SYTL5: variants seen among roughly 807,000 people sequenced by gnomAD.
The protein encoded by SYTL5 is synaptotagmin like 5, also known as synaptotagmin-like protein 5.
Under a neutral mutation model 55.9 loss-of-function variants are expected in SYTL5, and 34 were observed. The ratio of observed to expected loss-of-function variants is 0.61; its 90% confidence interval spans 0.46 to 0.81. SYTL5 has a LOEUF of 0.81. Among genes scored for constraint, SYTL5 ranks in the 30% least tolerant of loss-of-function variants. The probability of loss-of-function intolerance (pLI) is 0.00; values close to 1 mark genes in which losing one functional copy is unlikely to be tolerated. For synonymous variants in SYTL5, 221 were observed against 188.7 expected (o/e 1.17, Z -1.40); for missense variants, 637 against 546.7 (o/e 1.17, Z -1.65).
At chrX:37,910,849 T>C in the SYTL5 span, among the ~76,000 whole-genome samples, 2 of 112,077 alleles carry the variant, frequency 1.8e-5, no homozygotes, top group African/African-American at 6.5e-5. Context: ...GGTGTAGGGA[T>C]GATACATTGC....
rs186102933 is a variant in SYTL5, at chrX:38,066,175, A to C, written c.330-5872A>C. ...TCCTTATGAATAATAGAAAGGAACT[A>C]ATATCTTATCTCAGAGTATCTAATA... On this transcript the variant is annotated intron_variant, in intron 3 of 16. Coordinates refer to ENST00000297875, the MANE Select transcript of SYTL5 (RefSeq NM_138780.3). 2.8e-3 allele frequency among the ~76,000 whole-genome samples: 315 copies of C among 112,230 alleles called. 1 individual carries two copies. The highest frequency in any genetic ancestry group is 9.8e-3 in the African/African-American group (303 of 30,927).
Position 38,110,304 on chromosome X carries a change from G to A in SYTL5, c.1435-17G>A. 8.5e-7 allele frequency: 1 copy of A among 1,176,681 alleles called. No individual in the cohort carries two copies. The highest frequency in any genetic ancestry group is 1.1e-6 in the Non-Finnish European group (1 of 875,848). ...AGCCCTCCTTGTGGAGTGTAATGTT[G>A]TAAATCTCATTCGCAGTACACTATC... On this transcript the variant is annotated splice_polypyrimidine_tract_variant and intron_variant, in intron 12 of 16. Transcript: ENST00000297875.
the SYTL5 span, chrX:37,946,485 T>G: frequency 4.1e-6 from 1 of 242,053 alleles, no homozygotes; most frequent in Non-Finnish European, 7.9e-6. Flanking sequence ...TGGAACTGGA[T>G]TTTTCATTGG....
At chrX:37,975,333 G>A in the SYTL5 span, among the ~76,000 whole-genome samples, 1 of 112,181 alleles carries the variant, frequency 8.9e-6, no homozygotes, top group Non-Finnish European at 1.9e-5. Context: ...AAAGATTTTA[G>A]TTGAGAGGTA....
the SYTL5 span, among the ~76,000 whole-genome samples, chrX:37,898,949 C>G: frequency 9.0e-6 from 1 of 111,571 alleles, no homozygotes; most frequent in African/African-American, 3.3e-5. Flanking sequence ...CTTTCAGGAC[C>G]CAGCACTTAG....
At chrX:37,965,285 T>C in the SYTL5 span, among the ~76,000 whole-genome samples, 217 of 111,779 alleles carry the variant, frequency 1.9e-3, 2 homozygotes, top group African/African-American at 6.3e-3. Context: ...TGTCTCAAGA[T>C]TTTTATTTTA....
chrX:37,931,647 T>C, the SYTL5 span, among the ~76,000 whole-genome samples: 1 of 111,922 alleles, frequency 8.9e-6, no homozygotes, highest in African/African-American at 3.2e-5. Flanking sequence ...TCCAGAACAC[T>C]TATAAAGGAG....
chrX:37,920,252 A>T, the SYTL5 span, among the ~76,000 whole-genome samples: 3 of 111,544 alleles, frequency 2.7e-5, no homozygotes, highest in Non-Finnish European at 5.7e-5. Context: ...TTCCTGAAGT[A>T]GTTTACCTTG....
the SYTL5 span, among the ~76,000 whole-genome samples, chrX:37,903,748 T>C: frequency 9.0e-6 from 1 of 111,572 alleles, no homozygotes. Flanking sequence ...ACTCATCTTG[T>C]ATATATTTCT....
the SYTL5 span, among the ~76,000 whole-genome samples, chrX:37,889,826 G>C: frequency 9.1e-6 from 1 of 110,046 alleles, no homozygotes; most frequent in African/African-American, 3.3e-5. Context: ...AAGTCTTACA[G>C]GACTGGAGTT....
chrX:38,108,674 A>G lies in SYTL5; in HGVS notation c.1409A>G (p.Asn470Ser), dbSNP rs770078461. The G allele has an allele frequency of 1.2e-5, 14 of 1,196,787 alleles. No individual in the cohort carries two copies. The highest frequency in any genetic ancestry group is 3.0e-5 in the East Asian group (1 of 33,140). ...AAGACCAAAATCAGAACAGGCACCAATCCAGAATTCAATGAAACACTAAAG... is the reference window on the plus strand; with the variant it reads ...AAGACCAAAATCAGAACAGGCACCAGTCCAGAATTCAATGAAACACTAAAG... ...KRKTKIRTGT[N>S]PEFNETLKYT... Residue 470 changes from asparagine to serine, a missense_variant, in exon 12 of 17, where the codon AAT becomes AGT. Coordinates refer to ENST00000297875, the MANE Select transcript of SYTL5 (RefSeq NM_138780.3).
Position 38,126,641 on chromosome X carries a change from C to A in SYTL5, c.2104C>A (p.Arg702Ser). The A allele has an allele frequency of 8.3e-7, 1 of 1,210,267 alleles. No homozygotes were observed. Residue 702 changes from arginine (R) to serine (S), a missense_variant, in exon 17 of 17, where the codon CGC (arginine) becomes AGC (serine). Transcript: ENST00000297875. Reference protein sequence around the residue: ...DWMDSQGEEQRLWQKMANNPG... With the variant: ...DWMDSQGEEQSLWQKMANNPG... ...GATGGACTCTCAGGGGGAAGAGCAG[C>A]GCCTTTGGCAGAAGATGGCCAACAA...
At chrX:37,959,217 A>G in the SYTL5 span, among the ~76,000 whole-genome samples, 1 of 111,597 alleles carries the variant, frequency 9.0e-6, no homozygotes, top group African/African-American at 3.3e-5. Context: ...AGCTATGGGG[A>G]TCTGCCCGCA....
At chrX:38,060,635 G>A (rs1164785272) in intron 3 of SYTL5, among the ~76,000 whole-genome samples, 3 of 111,933 alleles carry the variant, frequency 2.7e-5, no homozygotes, top group Non-Finnish European at 5.7e-5. Context: ...TAAGCAAGTG[G>A]AACAAATGTA....
chrX:38,043,702 T>TACAC (rs1555924894), intron 2 of SYTL5, among the ~76,000 whole-genome samples: 2 of 89,712 alleles, frequency 2.2e-5, no homozygotes, highest in Non-Finnish European at 4.4e-5. Flanking sequence ...CATATATATA[T>TACAC]ACATATTTTC....
chrX:38,109,208 G>A (rs1937296993), intron 12 of SYTL5, among the ~76,000 whole-genome samples: 1 of 112,283 alleles, frequency 8.9e-6, no homozygotes, highest in African/African-American at 3.2e-5. Flanking sequence ...AGCAAAAGTA[G>A]CCTAGATAAA....
At chrX:38,084,674 ATACT>A (rs1220013872) in intron 6 of SYTL5, among the ~76,000 whole-genome samples, 3 of 107,859 alleles carry the variant, frequency 2.8e-5, no homozygotes, top group Admixed American at 1.0e-4. Context: ...GAGGAAAAAC[ATACT>A]TAGAGTTTTT....
chrX:37,902,012 T>C, the SYTL5 span, among the ~76,000 whole-genome samples: 5 of 112,546 alleles, frequency 4.4e-5, no homozygotes, highest in East Asian at 2.8e-4. Flanking sequence ...ATAGTATATA[T>C]GTAATAGGAA....
chrX:38,020,675 T>G (rs1934525335), intron 1 of SYTL5, among the ~76,000 whole-genome samples: 1 of 109,412 alleles, frequency 9.1e-6, no homozygotes, highest in Admixed American at 9.9e-5. Flanking sequence ...GGGTATTTTG[T>G]GAATCAAAGG....
Sources: allele counts gnomAD v4.1 joint callset (sites outside exome capture counted in the v4.1 genomes callset), GRCh38; gene constraint gnomAD v4.1.1; transcripts MANE v1.5; gene names NCBI Gene and HGNC (gene_info 2026-07-23, HGNC 2026-07-21).